The following CTNNA2 variants were observed in gnomAD, a reference collection of about 807,000 sequenced individuals.
CTNNA2 encodes the protein catenin alpha 2.
CTNNA2 carries 42 observed loss-of-function variants against 101.0 expected under a neutral mutation model. The ratio of observed to expected loss-of-function variants is 0.42; its 90% CI spans 0.32 to 0.54. The LOEUF (loss-of-function observed/expected upper bound fraction) is 0.54, where lower values mean the gene tolerates loss of function less well. Among genes scored for constraint, CTNNA2 ranks in the 20% least tolerant of loss-of-function variants. The probability of loss-of-function intolerance (pLI) is 0.14; values close to 1 mark genes in which losing one functional copy is unlikely to be tolerated. For synonymous variants in CTNNA2, 450 were observed against 456.4 expected (o/e 0.99, Z 0.18); for missense variants, 871 against 1,223.1 (o/e 0.71, Z 4.29).
At chr2:79,517,375 A>C (rs919139038) in intron 1 of CTNNA2, among the ~76,000 whole-genome samples, 1 of 152,176 alleles carries the variant, frequency 6.6e-6, no homozygotes, top group African/African-American at 2.4e-5. Context: ...CAAATAGTAA[A>C]ATGTTTCTCA....
At chr2:79,563,528 G>GA (rs1553428265) in intron 1 of CTNNA2, among the ~76,000 whole-genome samples, 2 of 152,032 alleles carry the variant, frequency 1.3e-5, no homozygotes, top group Non-Finnish European at 2.9e-5. Context: ...TCTCTAATGG[G>GA]CTGCCATCTC....
intron 7 of CTNNA2, among the ~76,000 whole-genome samples, chr2:79,939,356 G>T (rs998340356): frequency 6.6e-6 from 1 of 152,032 alleles, no homozygotes; most frequent in African/African-American, 2.4e-5. Flanking sequence ...GTCCATTACC[G>T]CAGTATTTAC....
chr2:79,262,486 A>T (rs1179253968), intron 2 of CTNNA2, among the ~76,000 whole-genome samples: 3 of 152,148 alleles, frequency 2.0e-5, no homozygotes, highest in Non-Finnish European at 4.4e-5. Flanking sequence ...AAGAGCCAAA[A>T]GTTATTGTAT....
At chr2:79,836,999 A>T (rs139834113) in intron 3 of CTNNA2, among the ~76,000 whole-genome samples, 1 of 152,188 alleles carries the variant, frequency 6.6e-6, no homozygotes, top group African/African-American at 2.4e-5. Context: ...CCTGTTTCCA[A>T]GTAAGGACGA....
At chr2:80,137,474 T>A (rs943734820) in intron 7 of CTNNA2, among the ~76,000 whole-genome samples, 3 of 152,098 alleles carry the variant, frequency 2.0e-5, no homozygotes, top group Non-Finnish European at 4.4e-5. Flanking sequence ...CAAGGCAATT[T>A]AAAAAATCTC....
intron 2 of CTNNA2, among the ~76,000 whole-genome samples, chr2:79,728,850 T>A (rs545341585): frequency 6.6e-6 from 1 of 152,310 alleles, no homozygotes; most frequent in East Asian, 1.9e-4. Context: ...CCCCATTGCT[T>A]GTTTCTCTCA....
intron 4 of CTNNA2, among the ~76,000 whole-genome samples, chr2:79,380,585 C>T (rs769005905): frequency 3.3e-5 from 5 of 152,104 alleles, no homozygotes; most frequent in African/African-American, 9.7e-5. Flanking sequence ...ACCCTTCCAT[C>T]GGAGATTTTA....
chr2:79,301,554 C>T (rs1228398928), intron 2 of CTNNA2, among the ~76,000 whole-genome samples: 5 of 152,150 alleles, frequency 3.3e-5, no homozygotes, highest in African/African-American at 7.2e-5. Flanking sequence ...CTCCTACGTT[C>T]GCTGCTAATG....
chr2:80,595,531 G>GC (rs1696876411), intron 15 of CTNNA2, among the ~76,000 whole-genome samples: 1 of 152,146 alleles, frequency 6.6e-6, no homozygotes, highest in Non-Finnish European at 1.5e-5. Flanking sequence ...GCAAGAGCAG[G>GC]CATCCTTGCT....
intron 3 of CTNNA2, among the ~76,000 whole-genome samples, chr2:79,367,036 C>G (rs1279748550): frequency 6.6e-6 from 1 of 152,020 alleles, no homozygotes; most frequent in Non-Finnish European, 1.5e-5. Flanking sequence ...GGAGATGGAG[C>G]CTTTGAGAGT....
At chr2:80,113,744 G>T (rs1701353263) in intron 7 of CTNNA2, among the ~76,000 whole-genome samples, 1 of 152,224 alleles carries the variant, frequency 6.6e-6, no homozygotes, top group African/African-American at 2.4e-5. Flanking sequence ...TCATGGACAA[G>T]AGTGGGTTTT....
At chr2:80,520,379 C>T (rs1020404821) in intron 9 of CTNNA2, among the ~76,000 whole-genome samples, 13 of 152,008 alleles carry the variant, frequency 8.6e-5, no homozygotes, top group Admixed American at 2.0e-4. Flanking sequence ...GACCTGCCAG[C>T]GGGGAACACA....
chr2:80,558,476 G>GTATA lies in CTNNA2; in HGVS notation c.1741+2584_1741+2585insATAT, dbSNP rs1558585315. On this transcript the variant is annotated intron_variant, in intron 12 of 18. Transcript: ENST00000402739. Reference sequence around the variant, plus strand: ...TGTGTGTGTATATATGTGTGTGTGTGTGTGTGTGTGTATATATATATGTTG... The same window carrying GTATA: ...TGTGTGTGTATATATGTGTGTGTGTGTATATGTGTGTGTGTATATATATATGTTG... Among the ~76,000 whole-genome samples the GTATA allele has an allele frequency of 2.5e-3, 306 of 120,682 alleles. 3 individuals carry two copies. The highest frequency in any genetic ancestry group is 0.025 in the Admixed American group (276 of 10,896). 79.2% of individuals were successfully genotyped at this position (120,682 alleles called of 152,430 possible).
intron 7 of CTNNA2, among the ~76,000 whole-genome samples, chr2:80,138,132 G>A (rs188445603): frequency 2.0e-4 from 30 of 152,266 alleles, no homozygotes; most frequent in Admixed American, 1.4e-3. Flanking sequence ...TAAATATCTT[G>A]TATAGCAGAA....
chr2:79,417,241 A>C (rs1026834013), intron 4 of CTNNA2, among the ~76,000 whole-genome samples: 6 of 152,116 alleles, frequency 3.9e-5, no homozygotes, highest in African/African-American at 1.4e-4. Flanking sequence ...TAAATTTCCA[A>C]ATAAGCTTAG....
At chr2:80,544,918 C>A (rs191548489) in intron 9 of CTNNA2, 64 bp from the exon 10 acceptor site, 2 of 1,375,496 alleles carry the variant, frequency 1.5e-6, no homozygotes, top group Non-Finnish European at 2.0e-6. Flanking sequence ...AGGTCCAAGG[C>A]GGAGCAACAG....
intron 3 of CTNNA2, among the ~76,000 whole-genome samples, chr2:79,746,595 A>G (rs1015794941): frequency 1.3e-5 from 2 of 152,158 alleles, no homozygotes; most frequent in African/African-American, 4.8e-5. Flanking sequence ...AATATAGTCT[A>G]TTGTAAAGTT....
chr2:80,609,169 G>A (rs1278507081), intron 17 of CTNNA2, among the ~76,000 whole-genome samples: 1 of 151,696 alleles, frequency 6.6e-6, no homozygotes, highest in African/African-American at 2.4e-5. Context: ...TTTCAAGTGA[G>A]TAATTACCAG....
At chr2:79,670,228 G>C (rs967156151) in intron 2 of CTNNA2, among the ~76,000 whole-genome samples, 2 of 152,210 alleles carry the variant, frequency 1.3e-5, no homozygotes, top group African/African-American at 2.4e-5. Context: ...GGGAAGCCCA[G>C]GTCTGCAGCC....
Sources: gnomAD v4.1 joint callset for allele counts (sites outside exome capture counted in the v4.1 genomes callset) on GRCh38, gnomAD v4.1.1 for gene constraint, MANE v1.5 for transcripts, NCBI Gene and HGNC (gene_info 2026-07-23, HGNC 2026-07-21) for gene names.